Variants in NEB observed in about 807,000 individuals in gnomAD.
NEB encodes nemaline myopathy type 2.
NEB carries 512 observed loss-of-function variants against 952.2 expected under a neutral mutation model. The ratio of observed to expected loss-of-function variants is 0.54; its 90% confidence interval spans 0.50 to 0.58. The LOEUF is 0.58. Ranked by LOEUF, NEB falls within the 20% of genes least tolerant of loss-of-function variation. NEB has a pLI of 0.00. For synonymous variants in NEB, 2,900 were observed against 3,149.8 expected (o/e 0.92, Z 2.66); for missense variants, 8,428 against 9,231.1 (o/e 0.91, Z 3.56).
Position 151,731,692 on chromosome 2 carries a change from C to A in NEB, c.36+1429G>T, listed in dbSNP as rs529541416. On this transcript the variant is annotated intron_variant, in intron 3 of 181. Coordinates refer to ENST00000397345, the MANE Select transcript of NEB (RefSeq NM_001164508.2). ...TTTTATGACATCTAGTTGAATCAAT[C>A]AAGTCTAGCACTAAGGACAATTTCC... Among the ~76,000 whole-genome samples, 4 of 152,198 alleles carry A rather than the reference C, an allele frequency of 2.6e-5. No homozygotes were observed. The South Asian group carries it at 8.3e-4, about 32-fold the overall frequency.
chr2:151,733,359 A>T (rs1158542655), intron 2 of NEB, among the ~76,000 whole-genome samples, 174 bp from the exon 3 acceptor site: 1 of 152,238 alleles, frequency 6.6e-6, no homozygotes, highest in African/African-American at 2.4e-5. Context: ...CAGAAGCTTC[A>T]AATTTCTTTC....
At chr2:151,666,044 C>T (rs376540186) in intron 41 of NEB, 46 bp downstream of exon 41, 1 of 1,548,340 alleles carries the variant, frequency 6.5e-7, no homozygotes, top group Admixed American at 1.8e-5. Context: ...CTGTTTTTTC[C>T]TCCCACCCAT....
chr2:151,680,696 C>CT (rs2099407914), intron 30 of NEB, 34 bp downstream of exon 30: 6 of 1,354,982 alleles, frequency 4.4e-6, no homozygotes, highest in Non-Finnish European at 6.3e-6. Context: ...TATTAGTTAA[C>CT]ATCTATTAAC....
chr2:151,547,303 T>A (rs942841031), intron 133 of NEB, 126 bp downstream of exon 133: 1 of 706,964 alleles, frequency 1.4e-6, no homozygotes, highest in Non-Finnish European at 2.4e-6. Context: ...TACCTCCAAC[T>A]TGTACTCTTT....
At position 151,728,287 on chromosome 2, in the gene NEB, C is replaced by T. The variant is rs529291298; in HGVS notation, c.79-381G>A. On this transcript the variant is annotated intron_variant, in intron 4 of 181. Coordinates refer to ENST00000397345, the MANE Select transcript of NEB (RefSeq NM_001164508.2). ...GGTAAAGTAAAAGCAAACTTGAGTTCGGGGAACAAAAGGTTAAGATAATCA... is the reference window on the plus strand; with the variant it reads ...GGTAAAGTAAAAGCAAACTTGAGTTTGGGGAACAAAAGGTTAAGATAATCA... 2.0e-5 allele frequency among the ~76,000 whole-genome samples: 3 copies of T among 152,126 alleles called. No individual in the cohort carries two copies. The South Asian group carries it at 6.2e-4, about 32-fold the overall frequency.
At chr2:151,558,970 C>T (rs529053642) in intron 124 of NEB, among the ~76,000 whole-genome samples, 1 of 152,212 alleles carries the variant, frequency 6.6e-6, no homozygotes, top group South Asian at 2.1e-4. Context: ...AACTTCTGCA[C>T]AGCAAAAGAA....
rs1461067378 is a variant in NEB, at chr2:151,503,368, T to C, written c.23816A>G (p.Asn7939Ser). The C allele has an allele frequency of 5.6e-6, 9 of 1,611,620 alleles. No individual in the cohort carries two copies. Among genetic ancestry groups the C allele is most frequent in the Non-Finnish European group, 7.6e-6 (9 of 1,178,162 alleles). ...VTPEIERVKR[N>S]QENFSSVLYK... ...AAATACCGAGCTAAAGTTCTCTTGA[T>C]TGCGTTTGACTCTCTCAATCTCTGG... Residue 7939 changes from asparagine (N) to serine (S), a missense_variant, in exon 166 of 182, where the codon AAT becomes AGT. Around this residue, in one of 11 missense-constraint regions of NEB, gnomAD observed 3,374 missense variants for 3,651.5 expected, o/e 0.92. Transcript: ENST00000397345.
rs765532141 is a variant in NEB at position 151,691,981 on chromosome 2, A to C, written c.2107-13T>G. The C allele has an allele frequency of 2.5e-6, 4 of 1,610,990 alleles. No homozygotes were observed. The East Asian group carries it at 8.9e-5, about 36-fold the overall frequency. On this transcript the variant is annotated splice_polypyrimidine_tract_variant and intron_variant, in intron 22 of 181. Transcript: ENST00000397345. ...CTTTGTAACTTTTCTATAATGAGAA[A>C]AACCAAAAATAGATCATGATTGTTA... is the stretch of plus-strand genomic sequence containing the variant.
In NEB at chr2:151,560,322, C is replaced by T. The variant is rs57965576; in HGVS notation, c.19314+270G>A. Among the ~76,000 whole-genome samples, 691 of 152,280 alleles carry T rather than the reference C, an allele frequency of 4.5e-3. 3 individuals are homozygous for T. The highest frequency in any genetic ancestry group is 0.015 in the African/African-American group (644 of 41,550). The stretch of plus-strand genomic sequence containing the variant: ...AGCCCATCCTTACTTCTGACTCTAG[C>T]AGAGATTATCATGTGCAGACAGGCA... On this transcript the variant is annotated intron_variant, in intron 124 of 181. Coordinates refer to ENST00000397345, the MANE Select transcript of NEB (RefSeq NM_001164508.2).
At chr2:151,683,931 G>A (rs1337841391) in intron 28 of NEB, among the ~76,000 whole-genome samples, 1 of 152,168 alleles carries the variant, frequency 6.6e-6, no homozygotes, top group Non-Finnish European at 1.5e-5. Context: ...GGTGGACCTT[G>A]AGGACATTTT....
rs2099118306 is a variant in NEB, at chr2:151,659,117, G to A, written c.6023C>T (p.Pro2008Leu). ...EADKTKVHIM[P>L]DIPQIILAKA... ...TGCCAAAATAATCTGGGGGATATCA[G>A]GCATGATGTGGACTTTGGTTTTGTC... The change falls in exon 47 of 182, where the codon CCT becomes CTT. Residue 2008 changes from proline to leucine, a missense_variant. By Grantham distance (98) the Pro-to-Leu change is moderately conservative (BLOSUM62 -3). Transcript: ENST00000397345. 1 of 1,613,110 alleles carries A rather than the reference G, an allele frequency of 6.2e-7. No homozygotes were observed. The highest frequency in any genetic ancestry group is 8.5e-7 in the Non-Finnish European group (1 of 1,179,238).
rs371473963 is a variant in NEB at position 151,549,530 on chromosome 2, T to C, written c.20049+106A>G. 8 of 777,976 alleles carry C rather than the reference T, an allele frequency of 1.0e-5. No homozygotes were observed. In the South Asian group the frequency reaches 1.2e-4, roughly 12 times the overall value. 48.2% of individuals were successfully genotyped at this position (777,976 alleles called of 1,614,324 possible). A position where few individuals can be genotyped will look rare whatever the true frequency, so the allele number is the denominator to read the frequency against. On this transcript the variant is annotated intron_variant, in intron 130 of 181. Transcript: ENST00000397345. ...CTCCAGCTCCCATCATTCTATCAGG[T>C]TGAACCTTGAGGGTGAGACTGGAGG...
intron 32 of NEB, among the ~76,000 whole-genome samples, chr2:151,678,439 T>C (rs2099389520): frequency 1.3e-5 from 2 of 152,250 alleles, no homozygotes; most frequent in Admixed American, 1.3e-4. Flanking sequence ...GGCATTACCA[T>C]AATTTGTATC....
At chr2:151,515,003 A>G in intron 157 of NEB, 75 bp from the exon 158 acceptor site, 4 of 925,042 alleles carry the variant, frequency 4.3e-6, no homozygotes, top group Non-Finnish European at 6.6e-6. Flanking sequence ...TCAGGAAGAA[A>G]AAAAAAACAG....
At chr2:151,541,333 G>A (rs2094024478) in intron 136 of NEB, 114 bp downstream of exon 136, 2 of 698,260 alleles carry the variant, frequency 2.9e-6, no homozygotes, top group Admixed American at 2.5e-5. Flanking sequence ...ATGGGCATGA[G>A]GTTGCAGCCA....
At chr2:151,574,902 AT>A (rs2096777861) in intron 107 of NEB, among the ~76,000 whole-genome samples, 1 of 151,400 alleles carries the variant, frequency 6.6e-6, no homozygotes, top group Non-Finnish European at 1.5e-5. Flanking sequence ...CAACTAATTT[AT>A]TTATTTTTTA....
chr2:151,706,187 C>A (rs2099705556), intron 13 of NEB, among the ~76,000 whole-genome samples: 1 of 152,200 alleles, frequency 6.6e-6, no homozygotes, highest in Non-Finnish European at 1.5e-5. Flanking sequence ...TCCCCAACCA[C>A]ACACACATAT....
At chr2:151,494,403 G>T in intron 173 of NEB, 150 bp from the exon 174 acceptor site, 1 of 638,032 alleles carries the variant, frequency 1.6e-6, no homozygotes, top group Non-Finnish European at 2.8e-6. Context: ...GTTTCCTAAG[G>T]AAGTTAAGTG....
At chr2:151,566,746 G>A (rs2096417557) in intron 114 of NEB, among the ~76,000 whole-genome samples, 1 of 152,174 alleles carries the variant, frequency 6.6e-6, no homozygotes, top group African/African-American at 2.4e-5. Context: ...ATGCCGTGAG[G>A]AATGAGATGC....
Sources: allele counts gnomAD v4.1 joint callset (sites outside exome capture counted in the v4.1 genomes callset), GRCh38; gene constraint gnomAD v4.1.1; regional missense constraint gnomAD v4.1.1; transcripts MANE v1.5; gene names NCBI Gene and HGNC (gene_info 2026-07-23, HGNC 2026-07-21).